The following ESRRB variants were observed in gnomAD, a reference collection of about 807,000 sequenced individuals.
ESRRB encodes steroid hormone receptor ERR2.
Under a neutral mutation model 46.0 loss-of-function variants are expected in ESRRB, and 16 were observed. The ratio of observed to expected loss-of-function variants is 0.35; its 90% CI spans 0.24 to 0.53. The LOEUF (loss-of-function observed/expected upper bound fraction) is 0.53, where lower values mean the gene tolerates loss of function less well. ESRRB is among the 20% of genes least tolerant of loss of function. The pLI is 0.93. For missense variants in ESRRB, 488 were observed against 607.4 expected, an observed-to-expected ratio of 0.80 and a Z score of 2.07; for synonymous variants, 246 against 259.6, an observed-to-expected ratio of 0.95 and a Z score of 0.50.
intron 3 of ESRRB, among the ~76,000 whole-genome samples, chr14:76,472,266 G>C (rs528112489): frequency 6.6e-6 from 1 of 152,186 alleles, no homozygotes; most frequent in African/African-American, 2.4e-5. Context: ...GAATGCAGGC[G>C]TAACACAGTT....
exon 1 of ESRRB, chr14:76,310,829 G>A: frequency 2.2e-6 from 1 of 455,182 alleles, no homozygotes; most frequent in South Asian, 1.6e-5. Flanking sequence ...GAGGAGCGGA[G>A]CAACGAGTTA....
At chr14:76,489,932 C>G (rs1017111498) in intron 5 of ESRRB, among the ~76,000 whole-genome samples, 1 of 152,224 alleles carries the variant, frequency 6.6e-6, no homozygotes, top group Non-Finnish European at 1.5e-5. Flanking sequence ...ACAACAGCCA[C>G]AGCCATGACC....
chr14:76,379,951 C>G (rs1884942691), intron 1 of ESRRB, among the ~76,000 whole-genome samples: 1 of 150,826 alleles, frequency 6.6e-6, no homozygotes, highest in African/African-American at 2.4e-5. Flanking sequence ...ATAAATATTC[C>G]ATTTAGTCTG....
At chr14:76,338,851 G>C (rs1319809456) in intron 1 of ESRRB, among the ~76,000 whole-genome samples, 1 of 152,182 alleles carries the variant, frequency 6.6e-6, no homozygotes, top group African/African-American at 2.4e-5. Context: ...ACTGAGGCAG[G>C]AGAATCTCTT....
rs115785888 is a variant in ESRRB, at chr14:76,313,885, A to G, written c.2+2969A>G. 4.7e-3 allele frequency among the ~76,000 whole-genome samples: 709 copies of G among 152,266 alleles called. 6 individuals carry two copies. The highest frequency in any genetic ancestry group is 0.017 in the African/African-American group (690 of 41,538). On this transcript the variant is annotated intron_variant, in intron 1 of 6. Transcript: ENST00000512784. ...CAGAAAATAAACTCAGATTGTGGGT[A>G]GTTATGTTAATCTAATTCAATCCTC... is the stretch of plus-strand genomic sequence containing the variant.
At chr14:76,393,002 G>A (rs1335777864) in intron 1 of ESRRB, among the ~76,000 whole-genome samples, 1 of 152,246 alleles carries the variant, frequency 6.6e-6, no homozygotes, top group Admixed American at 6.5e-5. Flanking sequence ...GCGGGCATGT[G>A]GGGCAGGGAG....
At chr14:76,399,262 C>G (rs146380861) in intron 1 of ESRRB, among the ~76,000 whole-genome samples, 98 of 152,252 alleles carry the variant, frequency 6.4e-4, no homozygotes, top group African/African-American at 2.2e-3. Flanking sequence ...TCAGGAAGCT[C>G]CCTGTGACGG....
intron 1 of ESRRB, among the ~76,000 whole-genome samples, chr14:76,357,775 C>T (rs182423950): frequency 1.4e-3 from 215 of 152,218 alleles, no homozygotes; most frequent in African/African-American, 4.7e-3. Flanking sequence ...CTTGGCCTCC[C>T]GAGTAGCTGG....
chr14:76,458,425 GACAC>G (rs58562150), intron 2 of ESRRB, among the ~76,000 whole-genome samples: 7,407 of 134,754 alleles, frequency 0.055, 199 homozygotes, highest in East Asian at 0.15. Context: ...CTCTCTCTCT[GACAC>G]ACACACACAC....
chr14:76,456,835 G>A (rs981168932), intron 2 of ESRRB, among the ~76,000 whole-genome samples: 9 of 152,166 alleles, frequency 5.9e-5, no homozygotes, highest in African/African-American at 2.2e-4. Flanking sequence ...GATCGGGAGA[G>A]CAGAGGGCCC....
At chr14:76,329,745 G>T (rs928250994) in intron 1 of ESRRB, among the ~76,000 whole-genome samples, 1 of 152,104 alleles carries the variant, frequency 6.6e-6, no homozygotes, top group African/African-American at 2.4e-5. Context: ...CCGTCCTGCC[G>T]TTGTTCCTGC....
chr14:76,313,879 G>A (rs1371778989), intron 1 of ESRRB, among the ~76,000 whole-genome samples: 2 of 152,160 alleles, frequency 1.3e-5, no homozygotes, highest in Non-Finnish European at 2.9e-5. Context: ...AACTCAGATT[G>A]TGGGTAGTTA....
intron 1 of ESRRB, among the ~76,000 whole-genome samples, chr14:76,365,480 AAAACAAACAAAC>A (rs145410460): frequency 3.3e-5 from 5 of 151,988 alleles, no homozygotes; most frequent in African/African-American, 2.4e-5. Context: ...TCCTGTCTCC[AAAACAAACAAAC>A]AAACAAACAA....
intron 1 of ESRRB, among the ~76,000 whole-genome samples, chr14:76,337,078 C>A (rs779347908): frequency 9.2e-5 from 14 of 151,992 alleles, no homozygotes; most frequent in Admixed American, 9.2e-4. Context: ...GAGGTAGGAA[C>A]GGACTAGGGG....
chr14:76,343,522 G>T (rs537338422), intron 1 of ESRRB, among the ~76,000 whole-genome samples: 98 of 152,354 alleles, frequency 6.4e-4, no homozygotes, highest in African/African-American at 2.2e-3. Context: ...TCAAGCTGGG[G>T]TGGCTCAGCT....
chr14:76,414,479 G>C (rs1034029899), intron 1 of ESRRB, among the ~76,000 whole-genome samples: 4 of 151,170 alleles, frequency 2.6e-5, no homozygotes, highest in Non-Finnish European at 4.4e-5. Context: ...GCCCTGAGTT[G>C]TGCCCCTGTG....
chr14:76,499,809 T>C lies in ESRRB; in HGVS notation c.*1351T>C, dbSNP rs1029585247. On this transcript the variant is annotated 3_prime_UTR_variant, in exon 7 of 7. Transcript: ENST00000644823. ...GTCACTCTATTTCTGTGGATGGCCG[T>C]GAAAGTTTTCACTAACTCAAGGGGC... 1 of 1,494,924 alleles carries C rather than the reference T, an allele frequency of 6.7e-7. No homozygotes were observed. The highest frequency in any genetic ancestry group is 1.7e-5 in the Admixed American group (1 of 59,886). The allele number at this position is 1,494,924 out of a possible 1,614,324, so 92.6% of individuals were successfully genotyped here.
rs1416568635 is a variant in ESRRB at position 76,482,242 on chromosome 14, G to A, written c.688+116G>A. The A allele has an allele frequency of 2.4e-6, 2 of 832,124 alleles. No individual in the cohort carries two copies. The highest frequency in any genetic ancestry group is 4.0e-6 in the Non-Finnish European group (2 of 497,460). 51.5% of individuals were successfully genotyped at this position (832,124 alleles called of 1,614,324 possible). A position where few individuals can be genotyped will look rare whatever the true frequency, so the allele number is the denominator to read the frequency against. The stretch of plus-strand genomic sequence containing the variant: ...GGGTCATGAGACAATGTGGATCTTG[G>A]GGAGGTGACATCAGTGCCTGGCACA... On this transcript the variant is annotated intron_variant, in intron 4 of 6. Transcript: ENST00000644823. This position sits in a 1 kb window ranked among gnomAD's most constrained non-coding sequence, Gnocchi z 4.3.
chr14:76,384,852 TTTGGC>T (rs1249793053), intron 1 of ESRRB, among the ~76,000 whole-genome samples: 1 of 152,142 alleles, frequency 6.6e-6, no homozygotes, highest in Non-Finnish European at 1.5e-5. Flanking sequence ...TTCTTGGCCA[TTTGGC>T]TTCTATGAGG....
Sources: allele counts gnomAD v4.1 joint callset (sites outside exome capture counted in the v4.1 genomes callset), GRCh38; gene constraint gnomAD v4.1.1; non-coding constraint Gnocchi (gnomAD v3.1); transcripts MANE v1.5; gene names NCBI Gene and HGNC (gene_info 2026-07-23, HGNC 2026-07-21).